FARS2: variants seen among roughly 807,000 people sequenced by gnomAD.
FARS2 encodes phenylalanine--tRNA ligase, mitochondrial.
FARS2 carries 40 observed loss-of-function variants against 46.4 expected under a neutral mutation model. The ratio of observed to expected loss-of-function variants is 0.86; its 90% CI spans 0.67 to 1.12. FARS2 has a LOEUF of 1.12. FARS2 is among the 50% of genes most tolerant of loss of function. The pLI, the probability that FARS2 is intolerant of heterozygous loss-of-function variation, is 0.00. For synonymous variants in FARS2, 234 were observed against 214.9 expected (o/e 1.09, Z -0.78); for missense variants, 513 against 567.9 (o/e 0.90, Z 0.98).
intron 4 of FARS2, among the ~76,000 whole-genome samples, chr6:5,510,327 G>T (rs1306351673): frequency 6.6e-6 from 1 of 152,142 alleles, no homozygotes; most frequent in Non-Finnish European, 1.5e-5. Context: ...GGGAGATGCT[G>T]CCTGGTCCCT....
chr6:5,388,755 T>C (rs1273118786), intron 2 of FARS2, among the ~76,000 whole-genome samples: 1 of 152,090 alleles, frequency 6.6e-6, no homozygotes, highest in Non-Finnish European at 1.5e-5. Flanking sequence ...ATGTAACCTA[T>C]ATGGAATCAT....
intron 4 of FARS2, among the ~76,000 whole-genome samples, chr6:5,434,104 GAATT>G (rs1030245495): frequency 6.6e-6 from 1 of 151,438 alleles, no homozygotes; most frequent in South Asian, 2.1e-4. Context: ...ACATAAAAAT[GAATT>G]AATTAATTAA....
rs761360080 is a variant in FARS2 at position 5,368,981 on chromosome 6, C to A, written c.411C>A (p.Ser137Arg). 16 of 1,614,056 alleles carry A rather than the reference C, an allele frequency of 9.9e-6. No individual in the cohort carries two copies. The highest frequency in any genetic ancestry group is 1.3e-5 in the African/African-American group (1 of 74,908). The part of the protein sequence containing the change: ...DSLLIPADHP[S>R]RKKGDNYYLN... Reference sequence around the variant, plus strand: ...TGCTCATCCCAGCTGATCACCCCAGCAGGAAGAAGGGGGACAACTATTACC... The same window carrying A: ...TGCTCATCCCAGCTGATCACCCCAGAAGGAAGAAGGGGGACAACTATTACC... Residue 137 changes from serine (S) to arginine (R), a missense_variant, in exon 2 of 7, where the codon AGC becomes AGA. Ser to Arg is a moderately radical substitution (Grantham distance 110). Transcript: ENST00000274680.
chr6:5,605,658 G>C (rs960462068), intron 5 of FARS2, among the ~76,000 whole-genome samples: 2 of 152,202 alleles, frequency 1.3e-5, no homozygotes, highest in African/African-American at 4.8e-5. Context: ...TGCCACGTGA[G>C]GAACTCTGAC....
intron 5 of FARS2, among the ~76,000 whole-genome samples, chr6:5,583,275 A>G (rs957157878): frequency 2.0e-5 from 3 of 152,254 alleles, no homozygotes; most frequent in Non-Finnish European, 4.4e-5. Context: ...GCATGAGCAG[A>G]TAGGTCTTGG....
At chr6:5,529,438 G>C (rs1022718092) in intron 4 of FARS2, among the ~76,000 whole-genome samples, 2 of 152,150 alleles carry the variant, frequency 1.3e-5, no homozygotes, top group African/African-American at 4.8e-5. Flanking sequence ...CTCCCGAGTA[G>C]CTGGGGCTAC....
chr6:5,593,878 A>G (rs1442544515), intron 5 of FARS2, among the ~76,000 whole-genome samples: 1 of 152,198 alleles, frequency 6.6e-6, no homozygotes, highest in Non-Finnish European at 1.5e-5. Flanking sequence ...GTTCAAACAC[A>G]ATTAATGATG....
At chr6:5,676,647 A>T (rs1333249132) in intron 6 of FARS2, among the ~76,000 whole-genome samples, 1 of 152,246 alleles carries the variant, frequency 6.6e-6, no homozygotes, top group Non-Finnish European at 1.5e-5. Flanking sequence ...CAGTTAAAAG[A>T]ATTATATCTG....
chr6:5,425,234 A>G (rs1762781731), intron 3 of FARS2, among the ~76,000 whole-genome samples: 1 of 134,570 alleles, frequency 7.4e-6, no homozygotes, highest in Admixed American at 7.2e-5. Flanking sequence ...TCACTGGTAT[A>G]TGCTCTAGTT....
At chr6:5,539,350 G>A (rs1770429292) in intron 4 of FARS2, among the ~76,000 whole-genome samples, 1 of 123,168 alleles carries the variant, frequency 8.1e-6, no homozygotes, top group Non-Finnish European at 1.7e-5. Flanking sequence ...GGGACTACAG[G>A]TGCCCGCCAC....
intron 6 of FARS2, among the ~76,000 whole-genome samples, chr6:5,689,144 A>G (rs1235329349): frequency 6.6e-6 from 1 of 152,100 alleles, no homozygotes; most frequent in African/African-American, 2.4e-5. Context: ...GATCTTTTCA[A>G]AAAACCAGCT....
At chr6:5,598,445 T>G (rs898976798) in intron 5 of FARS2, among the ~76,000 whole-genome samples, 2 of 152,182 alleles carry the variant, frequency 1.3e-5, no homozygotes, top group African/African-American at 4.8e-5. Context: ...GTGGTCATGT[T>G]TAGCTTTTTT....
intron 3 of FARS2, among the ~76,000 whole-genome samples, chr6:5,409,039 TAGC>T (rs1447964261): frequency 6.6e-6 from 1 of 152,222 alleles, no homozygotes; most frequent in Non-Finnish European, 1.5e-5. Flanking sequence ...TGTATTTGCG[TAGC>T]TTTCAAATGC....
chr6:5,339,103 G>A (rs1771371482), intron 1 of FARS2, among the ~76,000 whole-genome samples: 1 of 152,092 alleles, frequency 6.6e-6, no homozygotes, highest in African/African-American at 2.4e-5. Context: ...AAAAATGCAA[G>A]ATGATAAAAA....
At chr6:5,699,279 T>C (rs181648150) in intron 6 of FARS2, among the ~76,000 whole-genome samples, 1 of 152,346 alleles carries the variant, frequency 6.6e-6, no homozygotes, top group African/African-American at 2.4e-5. Context: ...CCCCTTTAAG[T>C]CTACTTCTGC....
At chr6:5,746,279 T>G (rs1031656380) in intron 6 of FARS2, among the ~76,000 whole-genome samples, 9 of 152,064 alleles carry the variant, frequency 5.9e-5, no homozygotes, top group African/African-American at 2.2e-4. Flanking sequence ...ACGTGGTCCT[T>G]AGATGGTGCG....
rs910737263 is a variant in FARS2 at position 5,745,831 on chromosome 6, C to T, written c.1218-25460C>T. 9.9e-5 allele frequency among the ~76,000 whole-genome samples: 15 copies of T among 152,206 alleles called. 1 individual carries two copies. The highest frequency in any genetic ancestry group is 1.0e-4 in the Non-Finnish European group (7 of 68,032). On this transcript the variant is annotated intron_variant, in intron 6 of 6. Coordinates refer to ENST00000274680, the MANE Select transcript of FARS2 (RefSeq NM_006567.5). ...CTGGGATTACAGGTGTGAGCCACTG[C>T]ACCCCACCAATCAATAGATCTTTAC...
intron 5 of FARS2, among the ~76,000 whole-genome samples, chr6:5,569,638 T>G (rs1170474989): frequency 6.6e-6 from 1 of 152,176 alleles, no homozygotes; most frequent in Non-Finnish European, 1.5e-5. Context: ...GCAACTGGTC[T>G]TAGGTATGGC....
chr6:5,357,499 A>G (rs1758006838), intron 1 of FARS2, among the ~76,000 whole-genome samples: 1 of 152,218 alleles, frequency 6.6e-6, no homozygotes, highest in South Asian at 2.1e-4. Flanking sequence ...GTGTGTACAG[A>G]AGACAATTGG....
Sources: gnomAD v4.1 joint callset for allele counts (sites outside exome capture counted in the v4.1 genomes callset) on GRCh38, gnomAD v4.1.1 for gene constraint, MANE v1.5 for transcripts, NCBI Gene and HGNC (gene_info 2026-07-23, HGNC 2026-07-21) for gene names.